Variants in GPR89B observed in about 807,000 individuals in gnomAD.
The protein encoded by GPR89B is G protein-coupled receptor 89B.
Under a neutral mutation model 52.4 loss-of-function variants are expected in GPR89B, and 25 were observed. That is an observed-to-expected ratio of 0.48 (90% CI 0.35 to 0.67). The LOEUF is 0.67. GPR89B is among the 30% of genes least tolerant of loss of function. The pLI is 0.01. For missense variants in GPR89B, 146 were observed against 450.2 expected (o/e 0.32, Z 6.11); for synonymous variants, 52 against 151.2 (o/e 0.34, Z 4.81).
In GPR89B at chr1:147,936,614, C is replaced by G. The variant is rs587765450; in HGVS notation, c.43-13C>G. ...AAAATATGTATTGACATTCTATCTT[C>G]TTTCTCCTCCAGATACTATTTTTTG... On this transcript the variant is annotated splice_polypyrimidine_tract_variant and intron_variant, in intron 1 of 13. Coordinates refer to ENST00000314163, the MANE Select transcript of GPR89B (RefSeq NM_016334.5). The G allele has an allele frequency of 6.2e-7, 1 of 1,609,086 alleles. No homozygotes were observed. The highest frequency in any genetic ancestry group is 1.1e-5 in the South Asian group (1 of 90,798).
At chr1:148,011,481 T>G in the GPR89B span, 1 of 152,160 alleles carries the variant, frequency 6.6e-6, no homozygotes, top group South Asian at 2.1e-4. Flanking sequence ...TCCCCTACCT[T>G]AGGCCACATC....
chr1:147,959,345 A>G (rs1656367282), intron 7 of GPR89B, among the ~76,000 whole-genome samples: 2 of 152,162 alleles, frequency 1.3e-5, no homozygotes, highest in Non-Finnish European at 2.9e-5. Context: ...CATTCTCAAT[A>G]GAGGAAACTT....
At chr1:147,952,504 T>C (rs1655795958) in intron 5 of GPR89B, among the ~76,000 whole-genome samples, 1 of 152,004 alleles carries the variant, frequency 6.6e-6, no homozygotes, top group Admixed American at 6.5e-5. Flanking sequence ...AAAAGGAATA[T>C]TGGAATTTTC....
At chr1:147,996,498 G>A, downstream of GPR89B, 1 of 1,498,370 alleles carries the variant, frequency 6.7e-7, no homozygotes, top group Non-Finnish European at 9.2e-7. Context: ...GTGTTTGTTG[G>A]GCTGCTGGAA....
chr1:147,998,774 G>A, the GPR89B span, among the ~76,000 whole-genome samples: 4 of 151,180 alleles, frequency 2.6e-5, no homozygotes, highest in African/African-American at 7.3e-5. Flanking sequence ...CCAGCTACTC[G>A]AGAGACTGAG....
intron 5 of GPR89B, among the ~76,000 whole-genome samples, chr1:147,946,649 G>T (rs1391575862): frequency 3.9e-5 from 6 of 152,042 alleles, no homozygotes; most frequent in Admixed American, 3.3e-4. Flanking sequence ...ACAAAGACCC[G>T]ACTCTGACAC....
the GPR89B span, among the ~76,000 whole-genome samples, chr1:148,016,455 GTGTAGGTACAA>G: frequency 8.7e-3 from 960 of 110,272 alleles, 19 homozygotes; most frequent in African/African-American, 0.033. Context: ...CTTTGTTCCT[GTGTAGGTACAA>G]TGTCTTTTTC....
At chr1:147,994,452 C>G, downstream of GPR89B, 1 of 624,404 alleles carries the variant, frequency 1.6e-6, no homozygotes, top group Non-Finnish European at 2.8e-6. Context: ...AGTAGAGTCA[C>G]TCACTAGAAT....
chr1:148,009,304 C>T, the GPR89B span: 7 of 1,541,656 alleles, frequency 4.5e-6, no homozygotes, highest in South Asian at 7.3e-5. Context: ...TTGTCTGTGC[C>T]CTGCCCCTGC....
intron 12 of GPR89B, among the ~76,000 whole-genome samples, chr1:147,991,611 G>A (rs1659075340): frequency 2.0e-5 from 3 of 152,090 alleles, no homozygotes; most frequent in Non-Finnish European, 2.9e-5. Context: ...TTACGATTTC[G>A]AGATACGTCC....
chr1:148,016,414 G>A, the GPR89B span, among the ~76,000 whole-genome samples: 27 of 99,414 alleles, frequency 2.7e-4, no homozygotes, highest in Non-Finnish European at 3.2e-4. Context: ...GGGCCGGCGA[G>A]AGCAGAAAGA....
In GPR89B at chr1:147,986,214, G is replaced by A; in HGVS notation, c.925G>A (p.Val309Ile). 2 of 1,611,230 alleles carry A rather than the reference G, an allele frequency of 1.2e-6. No homozygotes were observed. The highest frequency in any genetic ancestry group is 2.7e-5 in the African/African-American group (2 of 74,870). ...ATCTTTGCAGGCTACCATCAATATT[G>A]TTTTTGATCGAGTTGGGAAAACGGA... ...WKIFMATINIVFDRVGKTDPV... is the reference protein window; with the variant it reads ...WKIFMATINIIFDRVGKTDPV... Residue 309 changes from valine (V) to isoleucine (I), a missense_variant, in exon 11 of 14, where the codon GTT becomes ATT. Coordinates refer to ENST00000314163, the MANE Select transcript of GPR89B (RefSeq NM_016334.5).
chr1:148,007,077 CTTTTTTT>C, the GPR89B span, among the ~76,000 whole-genome samples: 2 of 136,580 alleles, frequency 1.5e-5, no homozygotes, highest in Non-Finnish European at 3.1e-5. Context: ...GCATTTTTGG[CTTTTTTT>C]TTTTTTTTTG....
chr1:147,967,945 T>C (rs1657149725), intron 8 of GPR89B: 1 of 280,100 alleles, frequency 3.6e-6, no homozygotes, highest in African/African-American at 2.3e-5. Flanking sequence ...ACCATGCCAG[T>C]AGTAGCCACT....
At chr1:147,931,695 T>TAC in intron 1 of GPR89B, among the ~76,000 whole-genome samples, 4 of 152,120 alleles carry the variant, frequency 2.6e-5, no homozygotes, top group Middle Eastern at 6.8e-3. Flanking sequence ...GTACTGAGCG[T>TAC]AGTACTCAAT....
chr1:147,941,423 A>G (rs1553248901), intron 3 of GPR89B, among the ~76,000 whole-genome samples: 1 of 151,530 alleles, frequency 6.6e-6, no homozygotes, highest in Non-Finnish European at 1.5e-5. Context: ...AGGTTAACCT[A>G]GAGGAGCAAA....
chr1:147,994,857 G>A (rs1158923471), downstream of GPR89B, among the ~76,000 whole-genome samples: 7 of 151,818 alleles, frequency 4.6e-5, no homozygotes, highest in African/African-American at 1.2e-4. Context: ...TAATATAATG[G>A]AAAGAAGAAC....
At chr1:147,939,429 C>A (rs1553248529) in intron 3 of GPR89B, among the ~76,000 whole-genome samples, 2 of 152,286 alleles carry the variant, frequency 1.3e-5, no homozygotes, top group East Asian at 3.9e-4. Flanking sequence ...TGTTTTTAGG[C>A]CAGCATTTAT....
the GPR89B span, among the ~76,000 whole-genome samples, chr1:148,000,449 T>C: frequency 1.3e-5 from 2 of 151,840 alleles, no homozygotes; most frequent in African/African-American, 4.8e-5. Context: ...CTTGAAAAAA[T>C]GTGCTGGGGA....
Sources: gnomAD v4.1 joint callset for allele counts (sites outside exome capture counted in the v4.1 genomes callset) on GRCh38, gnomAD v4.1.1 for gene constraint, MANE v1.5 for transcripts, NCBI Gene and HGNC (gene_info 2026-07-23, HGNC 2026-07-21) for gene names.